TSHR: variants seen among roughly 807,000 people sequenced by gnomAD.
TSHR encodes thyroid stimulating hormone receptor.
TSHR carries 51 observed loss-of-function variants against 64.1 expected under a neutral mutation model. That is an observed-to-expected ratio of 0.80 (90% CI 0.64 to 1.01). The LOEUF (loss-of-function observed/expected upper bound fraction) is 1.01, where lower values mean the gene tolerates loss of function less well. TSHR is among the 50% of genes least tolerant of loss of function. TSHR has a pLI of 0.00. For missense variants in TSHR, 877 were observed against 942.8 expected (o/e 0.93, Z 0.91); for synonymous variants, 361 against 361.9 (o/e 1.00, Z 0.03).
intron 1 of TSHR, chr14:80,991,960 A>G (rs2139742073): frequency 5.1e-6 from 1 of 197,290 alleles, no homozygotes; most frequent in African/African-American, 2.3e-5. Context: ...AAAGGATAAA[A>G]GGTGCTTTTC....
At chr14:81,128,172 TAGTC>T (rs66773501) in intron 8 of TSHR, among the ~76,000 whole-genome samples, 17 of 152,234 alleles carry the variant, frequency 1.1e-4, no homozygotes, top group Non-Finnish European at 1.9e-4. Flanking sequence ...ATTTTCTGAA[TAGTC>T]AGACACGAAT....
At chr14:80,974,157 G>A (rs1887745868) in intron 1 of TSHR, among the ~76,000 whole-genome samples, 1 of 152,202 alleles carries the variant, frequency 6.6e-6, no homozygotes, top group Non-Finnish European at 1.5e-5. Context: ...CCTGTCAGAT[G>A]TGGCCTGATT....
At chr14:80,958,765 C>A (rs574772078) in intron 1 of TSHR, among the ~76,000 whole-genome samples, 62 of 152,178 alleles carry the variant, frequency 4.1e-4, no homozygotes, top group African/African-American at 1.5e-3. Context: ...GTGGTGACCT[C>A]TTTTTGGAAT....
chr14:81,092,642 T>A (rs535032148), intron 6 of TSHR, 34 bp downstream of exon 6: 2 of 1,597,178 alleles, frequency 1.3e-6, no homozygotes, highest in South Asian at 2.2e-5. Flanking sequence ...CTCCATCAAC[T>A]AAATTCTATT....
intron 6 of TSHR, 21 bp downstream of exon 6, chr14:81,092,629 T>C (rs1888840740): frequency 5.0e-6 from 8 of 1,606,698 alleles, no homozygotes; most frequent in Non-Finnish European, 6.8e-6. Flanking sequence ...CCAGTTCTAC[T>C]CCCTCCATCA....
intron 1 of TSHR, chr14:81,050,032 A>G (rs567423687): frequency 1.3e-5 from 2 of 152,374 alleles, no homozygotes; most frequent in Non-Finnish European, 2.9e-5. Flanking sequence ...TTGAAGGAGC[A>G]CTATAATGCT....
intron 1 of TSHR, among the ~76,000 whole-genome samples, chr14:81,025,021 C>G (rs1226630793): frequency 6.6e-6 from 1 of 152,186 alleles, no homozygotes; most frequent in East Asian, 1.9e-4. Context: ...CTTGCAACAC[C>G]TGAGCTTAGC....
chr14:81,053,314 T>C (rs1034923692), intron 1 of TSHR: 3 of 152,220 alleles, frequency 2.0e-5, no homozygotes, highest in African/African-American at 7.2e-5. Context: ...AGTTTACCAA[T>C]TCAAATGTCA....
intron 3 of TSHR, among the ~76,000 whole-genome samples, chr14:81,072,754 T>TGATGTAAATA (rs1887173191): frequency 1.4e-5 from 2 of 138,402 alleles, no homozygotes; most frequent in African/African-American, 6.7e-5. Context: ...GTGAAAAGCT[T>TGATGTAAATA]TGGGAGGCCG....
At chr14:81,102,319 A>G (rs1889644175) in intron 7 of TSHR, among the ~76,000 whole-genome samples, 1 of 152,326 alleles carries the variant, frequency 6.6e-6, no homozygotes, top group Admixed American at 6.5e-5. Flanking sequence ...AGCTGACGGC[A>G]GAGATATTCT....
At position 81,122,020 on chromosome 14, in the gene TSHR, C is replaced by CTTTT. The variant is rs1161879777; in HGVS notation, c.692+13606_692+13609dup. 4.2e-4 allele frequency among the ~76,000 whole-genome samples: 19 copies of CTTTT among 44,904 alleles called. 2 individuals are homozygous for CTTTT. The highest frequency in any genetic ancestry group is 5.8e-4 in the Non-Finnish European group (14 of 23,980). The allele number at this position is 44,904 out of a possible 152,430, so 29.5% of individuals were successfully genotyped here. The stretch of plus-strand genomic sequence containing the variant: ...CTGGTTTGAGATGTGTTTTCTTTTC[C>CTTTT]TTTTTTTTTTTTTTTTTTTTTTTTT... On this transcript the variant is annotated intron_variant, in intron 8 of 9. Coordinates refer to ENST00000298171, the MANE Select transcript of TSHR (RefSeq NM_000369.5).
intron 1 of TSHR, among the ~76,000 whole-genome samples, chr14:81,031,554 C>G (rs1356041769): frequency 6.6e-6 from 1 of 152,090 alleles, no homozygotes; most frequent in Non-Finnish European, 1.5e-5. Context: ...CTCTAGAACA[C>G]CATTAGGATG....
At chr14:81,125,206 T>C (rs1310825974) in intron 8 of TSHR, among the ~76,000 whole-genome samples, 3 of 152,158 alleles carry the variant, frequency 2.0e-5, no homozygotes, top group Admixed American at 2.0e-4. Context: ...AAGGAGATAG[T>C]ATTTGAGATG....
chr14:81,128,679 C>T (rs960028223), intron 8 of TSHR, among the ~76,000 whole-genome samples: 3 of 152,200 alleles, frequency 2.0e-5, no homozygotes, highest in African/African-American at 7.2e-5. Flanking sequence ...GAATAGGACA[C>T]ATGGCATGTT....
At chr14:81,087,759 A>G in intron 3 of TSHR, 195 bp from the exon 4 acceptor site, 1 of 646,418 alleles carries the variant, frequency 1.5e-6, no homozygotes, top group Non-Finnish European at 2.8e-6. Flanking sequence ...CTGAGCAGCC[A>G]TTGGGTCCCC....
chr14:81,037,256 C>T (rs577325372), intron 1 of TSHR, among the ~76,000 whole-genome samples: 11 of 151,208 alleles, frequency 7.3e-5, no homozygotes, highest in Non-Finnish European at 1.6e-4. Flanking sequence ...CCTATTATAA[C>T]TACACAGTTT....
At chr14:81,065,954 G>A (rs1886578490) in intron 2 of TSHR, among the ~76,000 whole-genome samples, 1 of 152,140 alleles carries the variant, frequency 6.6e-6, no homozygotes, top group Non-Finnish European at 1.5e-5. Flanking sequence ...TGAATGATAA[G>A]TCATATGGTG....
chr14:81,003,352 T>C (rs1889442073), intron 1 of TSHR: 1 of 152,498 alleles, frequency 6.6e-6, no homozygotes, highest in Non-Finnish European at 1.5e-5. Context: ...ACTGCCACAT[T>C]TTATCATTAG....
At chr14:81,128,124 C>T (rs992508976) in intron 8 of TSHR, among the ~76,000 whole-genome samples, 3 of 152,140 alleles carry the variant, frequency 2.0e-5, no homozygotes, top group African/African-American at 4.8e-5. Flanking sequence ...TTTATTTGTA[C>T]ACATAGACTT....
Sources: allele counts gnomAD v4.1 joint callset (sites outside exome capture counted in the v4.1 genomes callset), GRCh38; gene constraint gnomAD v4.1.1; transcripts MANE v1.5; gene names NCBI Gene and HGNC (gene_info 2026-07-23, HGNC 2026-07-21).